SULF2: variants seen among roughly 807,000 people sequenced by gnomAD.
SULF2 encodes the protein sulfatase 2.
SULF2 carries 52 observed loss-of-function variants against 107.7 expected under a neutral mutation model. The ratio of observed to expected loss-of-function variants is 0.48; its 90% CI spans 0.39 to 0.61. The LOEUF is 0.61. Ranked by LOEUF, SULF2 falls within the 20% of genes least tolerant of loss-of-function variation. The pLI is 0.00. For missense variants in SULF2, 993 were observed against 1,177.3 expected (o/e 0.84, Z 2.29); for synonymous variants, 460 against 464.3 (o/e 0.99, Z 0.12).
rs2088316495 is a variant in SULF2, at chr20:47,694,721, A to G, written c.568-4426T>C. ...GAGACTGCCAGCCTCAGCCCTAGGC[A>G]AAAGCGTGTTTCCCTCGAGTGGGCA... On this transcript the variant is annotated intron_variant, in intron 4 of 20. Transcript: ENST00000688720. The surrounding 1 kb of genome is among the most constrained non-coding windows in gnomAD (Gnocchi z 4.4). Among the ~76,000 whole-genome samples the G allele has an allele frequency of 6.6e-6, 1 of 152,216 alleles. No homozygotes were observed. Among genetic ancestry groups the G allele is most frequent in the Admixed American group, 6.5e-5 (1 of 15,282 alleles).
chr20:47,685,172 G>A (rs192875230), intron 5 of SULF2: 1 of 152,376 alleles, frequency 6.6e-6, no homozygotes, highest in East Asian at 1.9e-4. Context: ...ATAGTTTTAT[G>A]TGTAAGGCCA....
intron 1 of SULF2, among the ~76,000 whole-genome samples, chr20:47,782,354 G>T (rs961470340): frequency 6.6e-6 from 1 of 152,176 alleles, no homozygotes; most frequent in Non-Finnish European, 1.5e-5. Context: ...TAATTATAAC[G>T]ATCTTAATGC....
intron 1 of SULF2, among the ~76,000 whole-genome samples, chr20:47,760,387 C>G (rs1340133361): frequency 6.6e-6 from 1 of 151,822 alleles, no homozygotes; most frequent in Non-Finnish European, 1.5e-5. Context: ...GCCTTCGTGT[C>G]TGTGTGTGTG....
chr20:47,664,942 C>T (rs907739920), intron 14 of SULF2, among the ~76,000 whole-genome samples: 2 of 152,220 alleles, frequency 1.3e-5, no homozygotes, highest in Non-Finnish European at 2.9e-5. Context: ...CTTTTCCGGC[C>T]TGGAGCCGGC....
intron 2 of SULF2, among the ~76,000 whole-genome samples, chr20:47,746,841 G>T (rs538185753): frequency 5.3e-5 from 8 of 151,770 alleles, no homozygotes; most frequent in Non-Finnish European, 1.0e-4. Flanking sequence ...GTTGTGGGGT[G>T]GGGGGAGAGG....
intron 2 of SULF2, among the ~76,000 whole-genome samples, chr20:47,740,120 G>A (rs965665757): frequency 1.7e-4 from 26 of 152,196 alleles, no homozygotes; most frequent in Non-Finnish European, 1.5e-5. Flanking sequence ...ATAATTAATA[G>A]TGGCGACTAT....
intron 5 of SULF2, among the ~76,000 whole-genome samples, chr20:47,687,572 G>A (rs2146527338): frequency 6.6e-6 from 1 of 152,272 alleles, no homozygotes. Context: ...GCCCTTTGAA[G>A]GGAAGCTCTG....
chr20:47,688,612 C>T (rs983260780), intron 5 of SULF2, among the ~76,000 whole-genome samples: 3 of 152,190 alleles, frequency 2.0e-5, no homozygotes, highest in African/African-American at 4.8e-5. Flanking sequence ...GGCGGTAGGG[C>T]GGGGTGCCGG....
chr20:47,747,925 G>C (rs114864051), intron 2 of SULF2, among the ~76,000 whole-genome samples: 4,956 of 152,152 alleles, frequency 0.033, 299 homozygotes, highest in African/African-American at 0.11. Flanking sequence ...CTCTCGCTCT[G>C]CAGTGCCCCG....
At chr20:47,669,475 T>C (rs115650393) in intron 11 of SULF2, among the ~76,000 whole-genome samples, 2,363 of 152,266 alleles carry the variant, frequency 0.016, 75 homozygotes, top group African/African-American at 0.053. Context: ...TCACACACAA[T>C]TGTGACAGCC....
In SULF2 at chr20:47,680,823, AAGG is replaced by A. The variant is rs2087802236; in HGVS notation, c.1065-2022_1065-2020del. Among the ~76,000 whole-genome samples, 1 of 152,286 alleles carries A rather than the reference AAGG, an allele frequency of 6.6e-6. No individual in the cohort carries two copies. Among genetic ancestry groups the A allele is most frequent in the African/African-American group, 2.4e-5 (1 of 41,560 alleles). On this transcript the variant is annotated intron_variant, in intron 7 of 20. Coordinates refer to ENST00000688720, the MANE Select transcript of SULF2 (RefSeq NM_001387048.1). This position sits in a 1 kb window ranked among gnomAD's most constrained non-coding sequence, Gnocchi z 4.2. ...GGTCCCGCTCCCCCAGGCTCAGGGG[AAGG>A]AGGACAGTGGTTGCTTTTCCTGGCC...
intron 3 of SULF2, among the ~76,000 whole-genome samples, chr20:47,729,991 C>T (rs957687928): frequency 1.3e-5 from 2 of 152,286 alleles, no homozygotes; most frequent in Middle Eastern, 3.4e-3. Flanking sequence ...TGTGAGAGGG[C>T]GATGGGGTGC....
At chr20:47,721,558 C>T (rs1315334844) in intron 3 of SULF2, among the ~76,000 whole-genome samples, 5 of 152,210 alleles carry the variant, frequency 3.3e-5, no homozygotes, top group African/African-American at 1.2e-4. Context: ...TTAGTAGAGA[C>T]GGGGTTTCAC....
At chr20:47,702,480 C>T (rs774958145) in intron 4 of SULF2, 39 bp downstream of exon 4, 2 of 1,598,122 alleles carry the variant, frequency 1.3e-6, no homozygotes, top group East Asian at 4.5e-5. Flanking sequence ...AACTGCTGGG[C>T]CACACAGCCA....
At chr20:47,745,615 G>A (rs1186122825) in intron 2 of SULF2, among the ~76,000 whole-genome samples, 1 of 151,410 alleles carries the variant, frequency 6.6e-6, no homozygotes, top group Non-Finnish European at 1.5e-5. Context: ...TGCAACCTCT[G>A]CCTCCTGGGT....
intron 3 of SULF2, among the ~76,000 whole-genome samples, chr20:47,731,210 T>TTTTTTTTTTTTTTTTG (rs1491437167): frequency 2.2e-5 from 3 of 135,764 alleles, no homozygotes; most frequent in African/African-American, 9.2e-5. Flanking sequence ...TTTTTTTTTT[T>TTTTTTTTTTTTTTTTG]GAGACAGAGT....
At chr20:47,764,282 C>T (rs2090480035) in intron 1 of SULF2, among the ~76,000 whole-genome samples, 1 of 152,202 alleles carries the variant, frequency 6.6e-6, no homozygotes, top group South Asian at 2.1e-4. Context: ...CCTGAAGGTA[C>T]AGGTTTTTGT....
At chr20:47,744,050 T>C (rs868801299) in intron 2 of SULF2, among the ~76,000 whole-genome samples, 12 of 152,140 alleles carry the variant, frequency 7.9e-5, no homozygotes, top group African/African-American at 2.7e-4. Flanking sequence ...TAAACATTCT[T>C]AGGGGACATG....
chr20:47,771,049 G>C (rs780660477), intron 1 of SULF2, among the ~76,000 whole-genome samples: 1 of 152,188 alleles, frequency 6.6e-6, no homozygotes, highest in Non-Finnish European at 1.5e-5. Context: ...TGGCCATCCC[G>C]TAAAACAGTC....
Sources: allele counts gnomAD v4.1 joint callset (sites outside exome capture counted in the v4.1 genomes callset), GRCh38; gene constraint gnomAD v4.1.1; non-coding constraint Gnocchi (gnomAD v3.1); transcripts MANE v1.5; gene names NCBI Gene and HGNC (gene_info 2026-07-23, HGNC 2026-07-21).